The following SEM1 variants were observed in gnomAD, a reference collection of about 807,000 sequenced individuals.
The protein encoded by SEM1 is SEM1 26S proteasome subunit.
SEM1 carries 3 observed loss-of-function variants against 12.7 expected under a neutral mutation model. That is an observed-to-expected ratio of 0.24 (90% CI 0.11 to 0.61). The LOEUF (loss-of-function observed/expected upper bound fraction) is 0.61, where lower values mean the gene tolerates loss of function less well. Ranked by LOEUF, SEM1 falls within the 20% of genes least tolerant of loss-of-function variation. The pLI is 0.88. For missense variants in SEM1, 59 were observed against 81.3 expected (o/e 0.73, Z 1.06); for synonymous variants, 30 against 27.8 (o/e 1.08, Z -0.25).
At chr7:96,687,129 G>C (rs1789783638), downstream of SEM1, among the ~76,000 whole-genome samples, 1 of 152,108 alleles carries the variant, frequency 6.6e-6, no homozygotes, top group South Asian at 2.1e-4. Context: ...TAAAAAGTCA[G>C]GAAACAACAG....
At chr7:96,528,338 C>T (rs539245788) in intron 2 of SEM1, among the ~76,000 whole-genome samples, 10 of 152,140 alleles carry the variant, frequency 6.6e-5, no homozygotes, top group African/African-American at 1.2e-4. Flanking sequence ...GGACTACAGG[C>T]GTGCCACCAC....
intron 2 of SEM1, among the ~76,000 whole-genome samples, chr7:96,601,092 T>C (rs1807184721): frequency 6.6e-6 from 1 of 152,160 alleles, no homozygotes; most frequent in Non-Finnish European, 1.5e-5. Flanking sequence ...GCTTGACCTG[T>C]GGGTTCTTTT....
intron 2 of SEM1, among the ~76,000 whole-genome samples, chr7:96,585,580 G>C (rs1024168402): frequency 3.9e-5 from 6 of 152,238 alleles, no homozygotes; most frequent in Non-Finnish European, 7.3e-5. Flanking sequence ...CTGCTGCCTT[G>C]CAGTTTGATC....
At position 96,505,100 on chromosome 7, in the gene SEM1, A is replaced by G. The variant is rs1418356048; in HGVS notation, c.*60+1523T>C. On this transcript the variant is annotated intron_variant and NMD_transcript_variant, in intron 3 of 3. Transcript: ENST00000466986. Reference sequence around the variant, plus strand: ...TATTTCTATCAGGAGTTATCTATCTATTTATTTATTTATTTATTTTGAGAC... The same window carrying G: ...TATTTCTATCAGGAGTTATCTATCTGTTTATTTATTTATTTATTTTGAGAC... Among the ~76,000 whole-genome samples, 3 of 151,356 alleles carry G rather than the reference A, an allele frequency of 2.0e-5. No homozygotes were observed. In the Admixed American group the frequency reaches 2.0e-4, roughly 10 times the overall value.
intron 1 of SEM1, among the ~76,000 whole-genome samples, chr7:96,705,095 T>C (rs2116031706): frequency 6.6e-6 from 1 of 152,292 alleles, no homozygotes; most frequent in Admixed American, 6.5e-5. Context: ...TCCAGAATGC[T>C]GGCAGCATTA....
At chr7:96,606,481 G>T (rs1001013107) in intron 2 of SEM1, among the ~76,000 whole-genome samples, 1 of 152,132 alleles carries the variant, frequency 6.6e-6, no homozygotes, top group East Asian at 1.9e-4. Flanking sequence ...CTAAACTGAG[G>T]CTATGCCCAC....
At chr7:96,677,226 T>G (rs143566659) in intron 2 of SEM1, among the ~76,000 whole-genome samples, 2 of 152,268 alleles carry the variant, frequency 1.3e-5, no homozygotes, top group African/African-American at 4.8e-5. Flanking sequence ...GAGTCGTCTC[T>G]AAATGGGGAG....
chr7:96,563,487 A>G (rs377387650), intron 2 of SEM1, among the ~76,000 whole-genome samples: 1 of 152,296 alleles, frequency 6.6e-6, no homozygotes, highest in East Asian at 1.9e-4. Context: ...CAATATGACT[A>G]TATTTTTCTC....
chr7:96,610,925 T>G (rs529904094), intron 2 of SEM1, among the ~76,000 whole-genome samples: 1 of 152,314 alleles, frequency 6.6e-6, no homozygotes, highest in Non-Finnish European at 1.5e-5. Flanking sequence ...TGGGAGAGAC[T>G]TTCTCTAAAC....
chr7:96,595,431 G>T (rs1806966549), intron 2 of SEM1, among the ~76,000 whole-genome samples: 1 of 152,130 alleles, frequency 6.6e-6, no homozygotes, highest in Non-Finnish European at 1.5e-5. Context: ...AGGATGACTT[G>T]AGCCCAGGAG....
upstream of SEM1, among the ~76,000 whole-genome samples, chr7:96,498,188 A>G (rs562430501): frequency 3.9e-5 from 6 of 152,224 alleles, no homozygotes; most frequent in South Asian, 1.2e-3. Context: ...GAAACTTGAA[A>G]CCACATGGCC....
At chr7:96,636,325 A>G (rs868356035) in intron 2 of SEM1, among the ~76,000 whole-genome samples, 4 of 39,624 alleles carry the variant, frequency 1.0e-4, no homozygotes, top group South Asian at 0.011. Flanking sequence ...AAAAAAGAAA[A>G]TAACTTGAAA....
At chr7:96,593,395 C>T (rs1335970081) in intron 2 of SEM1, among the ~76,000 whole-genome samples, 2 of 152,122 alleles carry the variant, frequency 1.3e-5, no homozygotes, top group East Asian at 1.9e-4. Flanking sequence ...CCAGAGAATA[C>T]TTTACATATA....
At position 96,484,808 on chromosome 7, in the gene SEM1, T is replaced by C. The variant is rs1001744380; in HGVS notation, c.257+17A>G. 4 of 1,279,024 alleles carry C rather than the reference T, an allele frequency of 3.1e-6. No individual in the cohort carries two copies. In the Admixed American group the frequency reaches 9.2e-5, roughly 29 times the overall value. 79.2% of individuals were successfully genotyped at this position (1,279,024 alleles called of 1,614,324 possible). A position where few individuals can be genotyped will look rare whatever the true frequency, so the allele number is the denominator to read the frequency against. ...AAAGTTACCCATTTATATCCATTTATATCTTTGTTCCATTACCTTGCCCAC... is the reference window on the plus strand; with the variant it reads ...AAAGTTACCCATTTATATCCATTTACATCTTTGTTCCATTACCTTGCCCAC... On this transcript the variant is annotated intron_variant, in intron 3 of 3. Coordinates refer to the SEM1 transcript ENST00000356686.
At chr7:96,706,541 A>T (rs1261420868) in intron 1 of SEM1, 1 of 144,506 alleles carries the variant, frequency 6.9e-6, no homozygotes, top group Non-Finnish European at 1.5e-5. Context: ...CAGCCTGGGC[A>T]ACAAGAGTGA....
intron 1 of SEM1, among the ~76,000 whole-genome samples, chr7:96,700,961 T>G (rs553453798): frequency 1.3e-5 from 2 of 152,140 alleles, no homozygotes; most frequent in Admixed American, 6.6e-5. Context: ...TTAATGGCAA[T>G]TTTTTTAAAT....
intron 2 of SEM1, among the ~76,000 whole-genome samples, chr7:96,680,141 A>G (rs1789564526): frequency 6.6e-6 from 1 of 152,056 alleles, no homozygotes; most frequent in Non-Finnish European, 1.5e-5. Context: ...TGTTGTATAT[A>G]GCCTCCTAGA....
chr7:96,684,139 C>T (rs1459799134), downstream of SEM1, among the ~76,000 whole-genome samples: 3 of 152,082 alleles, frequency 2.0e-5, no homozygotes, highest in African/African-American at 7.2e-5. Flanking sequence ...TAATCTTCAC[C>T]CTCAAACTGC....
In SEM1 at chr7:96,709,816, C is replaced by A; in HGVS notation, c.-53G>T. 6.4e-7 allele frequency: 1 copy of A among 1,564,262 alleles called. No homozygotes were observed. The highest frequency in any genetic ancestry group is 8.8e-7 in the Non-Finnish European group (1 of 1,136,168). Reference sequence around the variant, plus strand: ...AGATAAGCAGAAAAGTTGGAACCCTCACTCTTCCTCAAGGAAACGCCACCG... The same window carrying A: ...AGATAAGCAGAAAAGTTGGAACCCTAACTCTTCCTCAAGGAAACGCCACCG... On this transcript the variant is annotated 5_prime_UTR_variant, in exon 1 of 3. Coordinates refer to ENST00000248566, the MANE Select transcript of SEM1 (RefSeq NM_006304.2).
Sources: gnomAD v4.1 joint callset for allele counts (sites outside exome capture counted in the v4.1 genomes callset) on GRCh38, gnomAD v4.1.1 for gene constraint, MANE v1.5 for transcripts, NCBI Gene and HGNC (gene_info 2026-07-23, HGNC 2026-07-21) for gene names.